Variants in RBMS3 observed in about 807,000 individuals in gnomAD.
The protein encoded by RBMS3 is RNA binding motif single stranded interacting protein 3.
RBMS3 carries 27 observed loss-of-function variants against 66.8 expected under a neutral mutation model. The ratio of observed to expected loss-of-function variants is 0.40; its 90% confidence interval spans 0.30 to 0.56. The LOEUF is 0.56. Among genes scored for constraint, RBMS3 ranks in the 20% least tolerant of loss-of-function variants. RBMS3 has a pLI of 0.40. For missense variants in RBMS3, 513 were observed against 549.5 expected, an observed-to-expected ratio of 0.93 and a Z score of 0.66; for synonymous variants, 188 against 183.0, an observed-to-expected ratio of 1.03 and a Z score of -0.22.
chr3:29,814,089 T>C (rs1169293544), intron 6 of RBMS3, among the ~76,000 whole-genome samples: 2 of 151,800 alleles, frequency 1.3e-5, no homozygotes, highest in East Asian at 3.9e-4. Flanking sequence ...CCAGTTTTTG[T>C]CCATTCAGTA....
intron 1 of RBMS3, among the ~76,000 whole-genome samples, chr3:29,326,353 A>G (rs1297231321): frequency 6.6e-6 from 1 of 152,086 alleles, no homozygotes. Context: ...TGGCTTTGCT[A>G]ATTACTTTCT....
At chr3:29,796,227 G>A (rs1257032577) in intron 6 of RBMS3, among the ~76,000 whole-genome samples, 1 of 152,126 alleles carries the variant, frequency 6.6e-6, no homozygotes, top group Non-Finnish European at 1.5e-5. Flanking sequence ...GCCTCCCAAA[G>A]TACTGAGATT....
At chr3:29,302,308 G>C (rs1160098467) in intron 1 of RBMS3, among the ~76,000 whole-genome samples, 2 of 151,952 alleles carry the variant, frequency 1.3e-5, no homozygotes, top group Admixed American at 1.3e-4. Context: ...TACAGTGCCT[G>C]ACCTGTTGAA....
At chr3:29,525,994 A>G (rs945875124) in intron 3 of RBMS3, among the ~76,000 whole-genome samples, 3 of 152,046 alleles carry the variant, frequency 2.0e-5, no homozygotes, top group African/African-American at 7.2e-5. Context: ...GACTCTTGTG[A>G]TTTCCTTCAC....
rs142078282 is a variant in RBMS3 at position 29,869,692 on chromosome 3, G to A, written c.744+728G>A. On this transcript the variant is annotated intron_variant, in intron 7 of 14. Coordinates refer to ENST00000383767, the MANE Select transcript of RBMS3 (RefSeq NM_001003793.3). ...TGTTACTTTTTTGTAAGAAGACAAG[G>A]AAAAGGTGACTGAGCTTCCATGAGG... Among the ~76,000 whole-genome samples the A allele has an allele frequency of 5.1e-4, 78 of 152,254 alleles. 1 individual carries two copies. In the East Asian group the frequency reaches 0.014, roughly 26 times the overall value.
rs117872958 is a variant in RBMS3, at chr3:29,380,721, C to T, written c.76-54022C>T. ...AAATCAGTGGTATTCAAAGTGTAGT[C>T]CACAGATTGATGCCAATTTGTGAAT... On this transcript the variant is annotated intron_variant, in intron 1 of 14. Transcript: ENST00000383767. Among the ~76,000 whole-genome samples, 495 of 152,216 alleles carry T rather than the reference C, an allele frequency of 3.3e-3. 5 individuals are homozygous for T. The highest frequency in any genetic ancestry group is 0.03 in the East Asian group (157 of 5,174).
chr3:29,749,819 G>A (rs540999927), intron 5 of RBMS3, among the ~76,000 whole-genome samples: 16 of 152,138 alleles, frequency 1.1e-4, no homozygotes, highest in African/African-American at 3.9e-4. Flanking sequence ...TCCAATAAAA[G>A]CTTTGGAAAA....
chr3:29,690,720 T>G (rs543435165), intron 4 of RBMS3, among the ~76,000 whole-genome samples: 1 of 152,324 alleles, frequency 6.6e-6, no homozygotes, highest in East Asian at 1.9e-4. Context: ...TCCATACCAG[T>G]ATTTTAGTTT....
intron 5 of RBMS3, among the ~76,000 whole-genome samples, chr3:29,762,541 A>G (rs1162804112): frequency 1.3e-5 from 2 of 152,112 alleles, no homozygotes; most frequent in Non-Finnish European, 2.9e-5. Context: ...CCTTATTGAT[A>G]TGAATGACAA....
chr3:29,690,640 T>G (rs572672983), intron 4 of RBMS3, among the ~76,000 whole-genome samples: 10 of 152,220 alleles, frequency 6.6e-5, no homozygotes, highest in Non-Finnish European at 1.5e-4. Context: ...GTTTTGAAAG[T>G]AATTGTTGTT....
intron 3 of RBMS3, among the ~76,000 whole-genome samples, chr3:29,521,913 A>G (rs2148974956): frequency 6.6e-6 from 1 of 152,336 alleles, no homozygotes; most frequent in African/African-American, 2.4e-5. Flanking sequence ...AAAGATAGCT[A>G]CTGTTGACCT....
At chr3:29,682,881 C>T (rs1049028673) in intron 4 of RBMS3, among the ~76,000 whole-genome samples, 7 of 152,190 alleles carry the variant, frequency 4.6e-5, no homozygotes, top group Admixed American at 1.3e-4. Context: ...AGAATGCAAA[C>T]GTGTCACCAT....
intron 3 of RBMS3, among the ~76,000 whole-genome samples, chr3:29,512,886 G>A (rs1386418928): frequency 6.6e-6 from 1 of 152,158 alleles, no homozygotes; most frequent in African/African-American, 2.4e-5. Context: ...AGTTCCAAAA[G>A]TCCTTAGCTG....
intron 10 of RBMS3, among the ~76,000 whole-genome samples, chr3:29,927,902 T>C (rs2060984110): frequency 6.6e-6 from 1 of 152,054 alleles, no homozygotes; most frequent in Admixed American, 6.6e-5. Flanking sequence ...CTACAACTCA[T>C]TCACTCTAAC....
intron 11 of RBMS3, among the ~76,000 whole-genome samples, chr3:29,936,749 T>C (rs1029080260): frequency 9.2e-5 from 14 of 152,156 alleles, no homozygotes; most frequent in African/African-American, 3.4e-4. Context: ...TAGGTTGTGA[T>C]ATTTTTGACT....
At chr3:29,540,400 C>T (rs890538573) in intron 3 of RBMS3, among the ~76,000 whole-genome samples, 4 of 152,130 alleles carry the variant, frequency 2.6e-5, no homozygotes, top group African/African-American at 9.7e-5. Flanking sequence ...TTTGACTCTA[C>T]TCTATAAGGC....
At chr3:29,461,920 ATTTTTTTTT>A (rs61115023) in intron 2 of RBMS3, among the ~76,000 whole-genome samples, 63 of 93,302 alleles carry the variant, frequency 6.8e-4, no homozygotes, top group African/African-American at 1.9e-3. Context: ...TGCCCGGCTA[ATTTTTTTTT>A]TTTTTTTTTT....
intron 10 of RBMS3, among the ~76,000 whole-genome samples, chr3:29,918,956 A>C (rs2060703733): frequency 6.6e-6 from 1 of 152,152 alleles, no homozygotes; most frequent in Non-Finnish European, 1.5e-5. Context: ...ATCTACTTGT[A>C]AAACTAAAAA....
chr3:29,743,647 A>C (rs1008662623), intron 5 of RBMS3, among the ~76,000 whole-genome samples: 21 of 151,710 alleles, frequency 1.4e-4, no homozygotes, highest in Non-Finnish European at 1.5e-5. Flanking sequence ...CACCTGAATG[A>C]TCTGTTAAAA....
Sources: gnomAD v4.1 joint callset for allele counts (sites outside exome capture counted in the v4.1 genomes callset) on GRCh38, gnomAD v4.1.1 for gene constraint, MANE v1.5 for transcripts, NCBI Gene and HGNC (gene_info 2026-07-23, HGNC 2026-07-21) for gene names.